The following NGEF variants were observed in gnomAD, a reference collection of about 807,000 sequenced individuals.
The protein encoded by NGEF is neuronal guanine nucleotide exchange factor.
In NGEF, 31 loss-of-function variants were observed where a neutral mutation model predicts 80.9. That is an observed-to-expected ratio of 0.38 (90% CI 0.29 to 0.52). NGEF has a LOEUF of 0.52. Among genes scored for constraint, NGEF ranks in the 20% least tolerant of loss-of-function variants. The pLI is 0.84. For missense variants in NGEF, 709 were observed against 926.2 expected, an observed-to-expected ratio of 0.77 and a Z score of 3.04; for synonymous variants, 371 against 370.2, an observed-to-expected ratio of 1.00 and a Z score of -0.03.
At chr2:232,976,463 A>G (rs1694296655) in intron 1 of NGEF, among the ~76,000 whole-genome samples, 1 of 152,148 alleles carries the variant, frequency 6.6e-6, no homozygotes, top group African/African-American at 2.4e-5. Flanking sequence ...CAGAATAGTC[A>G]GGAGGTTGGG....
intron 8 of NGEF, among the ~76,000 whole-genome samples, chr2:232,889,591 G>A (rs1691811034): frequency 6.6e-6 from 1 of 152,124 alleles, no homozygotes; most frequent in African/African-American, 2.4e-5. Flanking sequence ...ATTTTTCACT[G>A]CATAATTAGG....
At chr2:232,983,937 C>G (rs1161748724) in intron 1 of NGEF, among the ~76,000 whole-genome samples, 2 of 152,214 alleles carry the variant, frequency 1.3e-5, no homozygotes, top group Non-Finnish European at 2.9e-5. Context: ...CCTCTTCTCA[C>G]TCCTTGCTGC....
chr2:232,899,019 T>C (rs928664528), intron 5 of NGEF, among the ~76,000 whole-genome samples: 1 of 151,744 alleles, frequency 6.6e-6, no homozygotes, highest in Non-Finnish European at 1.5e-5. Flanking sequence ...TGTGTTAACA[T>C]GTGTGAGTGA....
rs1691597173 is a variant in NGEF at position 232,884,023 on chromosome 2, A to T, written c.1559T>A (p.Phe520Tyr). 2 of 1,612,908 alleles carry T rather than the reference A, an allele frequency of 1.2e-6. No individual in the cohort carries two copies. The highest frequency in any genetic ancestry group is 4.5e-5 in the East Asian group (2 of 44,846). Residue 520 changes from phenylalanine to tyrosine, a missense_variant, in exon 11 of 15, where the codon TTC (phenylalanine) becomes TAC (tyrosine). Phe to Tyr is a conservative substitution (Grantham distance 22, BLOSUM62 3). This residue lies in a region of NGEF where 426 missense variants were observed against 622.9 expected (regional missense o/e 0.68). Transcript: ENST00000264051. The part of the protein sequence containing the change: ...TKKLFHEIYL[F>Y]LFNDLLVICR... ...GATCACCAGCAGGTCGTTGAACAGG[A>T]AGAGGTAAATTTCGTGGAAGAGCTT...
chr2:232,916,433 TA>T (rs1180593941), intron 5 of NGEF, among the ~76,000 whole-genome samples: 2 of 152,094 alleles, frequency 1.3e-5, no homozygotes, highest in African/African-American at 4.8e-5. Flanking sequence ...TCCCTTATAT[TA>T]TCGTGCAGGA....
At chr2:232,971,423 G>A (rs1316581312) in intron 2 of NGEF, among the ~76,000 whole-genome samples, 9 of 152,186 alleles carry the variant, frequency 5.9e-5, no homozygotes, top group African/African-American at 1.4e-4. Context: ...GGTGGCTCAC[G>A]CCTGTAATCC....
At position 232,883,465 on chromosome 2, in the gene NGEF, C is replaced by T; in HGVS notation, c.1603G>A (p.Asp535Asn). The T allele has an allele frequency of 1.9e-6, 3 of 1,589,760 alleles. No homozygotes were observed. The highest frequency in any genetic ancestry group is 2.6e-6 in the Non-Finnish European group (3 of 1,167,496). The change falls in exon 12 of 15, where the codon GAC (aspartate) becomes AAC (asparagine). Residue 535 changes from aspartate (D) to asparagine (N), a missense_variant and splice_region_variant. Asp to Asn is a conservative substitution (Grantham distance 23). Coordinates refer to ENST00000264051, the MANE Select transcript of NGEF (RefSeq NM_019850.3). ...LLVICRQIPG[D>N]KYQVFDSAPR... ...GCTGAGTCAAATACCTGGTACTTGT[C>T]TCTGGAGATCAGGGAGAAGGGCAGG...
chr2:232,883,052 A>AACACACAC (rs57854484), intron 12 of NGEF, among the ~76,000 whole-genome samples: 74 of 150,374 alleles, frequency 4.9e-4, no homozygotes, highest in African/African-American at 1.8e-3. Flanking sequence ...GCCCCAAGGG[A>AACACACAC]ACACACACAC....
chr2:232,915,422 T>G (rs1692777408), intron 5 of NGEF, among the ~76,000 whole-genome samples: 1 of 152,168 alleles, frequency 6.6e-6, no homozygotes, highest in African/African-American at 2.4e-5. Flanking sequence ...TCTCTTTCAA[T>G]TCTTTCTATT....
At chr2:232,972,716 C>A (rs545754958) in intron 2 of NGEF, among the ~76,000 whole-genome samples, 1 of 151,112 alleles carries the variant, frequency 6.6e-6, no homozygotes, top group Admixed American at 6.6e-5. Context: ...AAGCCTGCTC[C>A]CACTTTCTCC....
chr2:232,892,393 C>T lies in NGEF; in HGVS notation c.1142+505G>A, dbSNP rs1018374327. 2.0e-5 allele frequency among the ~76,000 whole-genome samples: 3 copies of T among 152,114 alleles called. No individual in the cohort carries two copies. The highest frequency in any genetic ancestry group is 4.8e-5 in the African/African-American group (2 of 41,422). ...CAGTGCGCAGAATTCAGAAGAGGCACGCTGGCTGGAAAATTACCTTGTCAA... is the reference window on the plus strand; with the variant it reads ...CAGTGCGCAGAATTCAGAAGAGGCATGCTGGCTGGAAAATTACCTTGTCAA... On this transcript the variant is annotated intron_variant, in intron 7 of 14. Coordinates refer to ENST00000264051, the MANE Select transcript of NGEF (RefSeq NM_019850.3). The surrounding 1 kb of genome is among the most constrained non-coding windows in gnomAD (Gnocchi z 4.0).
At position 232,884,087 on chromosome 2, in the gene NGEF, T is replaced by G. The variant is rs1268829812; in HGVS notation, c.1495A>C (p.Met499Leu). Residue 499 changes from methionine to leucine, a missense_variant, in exon 11 of 15, where the codon ATG becomes CTG. This residue lies in a region of NGEF where 426 missense variants were observed against 622.9 expected (regional missense o/e 0.68). Transcript: ENST00000264051. ...WLLKQGELQQ[M>L]SGPKTSRTLR... ...GTCCGGGAGGTCTTGGGGCCTGACA[T>G]CTGCTGCAGCTCACCCTGCTTCAGC... 6.2e-7 allele frequency: 1 copy of G among 1,611,794 alleles called. No homozygotes were observed. Among genetic ancestry groups the G allele is most frequent in the East Asian group, 2.2e-5 (1 of 44,796 alleles).
chr2:232,883,028 G>T (rs1036513579), intron 12 of NGEF, among the ~76,000 whole-genome samples: 3 of 151,510 alleles, frequency 2.0e-5, no homozygotes, highest in Non-Finnish European at 4.4e-5. Flanking sequence ...AGAGGGACTC[G>T]CCCAGAGTCT....
At chr2:232,951,658 C>T (rs1180157652) in intron 3 of NGEF, among the ~76,000 whole-genome samples, 2 of 152,198 alleles carry the variant, frequency 1.3e-5, no homozygotes, top group African/African-American at 4.8e-5. Context: ...GGCTTGGCTG[C>T]ACCTAGGAAC....
At chr2:232,922,677 A>G (rs1284638470) in intron 4 of NGEF, among the ~76,000 whole-genome samples, 3 of 152,228 alleles carry the variant, frequency 2.0e-5, no homozygotes, top group Admixed American at 1.3e-4. Context: ...GTTTAAAGAA[A>G]CCAAGTTTCA....
In NGEF at chr2:232,899,898, A is replaced by G. The variant is rs531502106; in HGVS notation, c.829-4982T>C. On this transcript the variant is annotated intron_variant, in intron 5 of 14. Coordinates refer to ENST00000264051, the MANE Select transcript of NGEF (RefSeq NM_019850.3). ...TATACACGTTCACTCACATTCACAC[A>G]CATGCTCTCACAGTCACTCATATAC... 3.8e-4 allele frequency among the ~76,000 whole-genome samples: 57 copies of G among 148,464 alleles called. 1 individual carries two copies. The highest frequency in any genetic ancestry group is 1.3e-3 in the African/African-American group (53 of 40,104).
At chr2:232,906,175 TC>T (rs1692523783) in intron 5 of NGEF, among the ~76,000 whole-genome samples, 1 of 36,044 alleles carries the variant, frequency 2.8e-5, no homozygotes, top group Non-Finnish European at 5.0e-5. Context: ...GGTGGGGGGG[TC>T]AGCCCCCCGC....
At chr2:232,993,475 G>A (rs1307550610) in intron 1 of NGEF, among the ~76,000 whole-genome samples, 2 of 151,954 alleles carry the variant, frequency 1.3e-5, no homozygotes, top group Non-Finnish European at 2.9e-5. Context: ...AGATGGGAAT[G>A]TAAAATGGTT....
chr2:232,897,485 C>T (rs192380465), intron 5 of NGEF, among the ~76,000 whole-genome samples: 187 of 152,244 alleles, frequency 1.2e-3, no homozygotes, highest in African/African-American at 4.4e-3. Context: ...CCAGGTAGCG[C>T]AGGGGTTTGC....
Sources: gnomAD v4.1 joint callset for allele counts (sites outside exome capture counted in the v4.1 genomes callset) on GRCh38, gnomAD v4.1.1 for gene constraint, gnomAD v4.1.1 regional missense constraint, Gnocchi (gnomAD v3.1) non-coding constraint, MANE v1.5 for transcripts, NCBI Gene and HGNC (gene_info 2026-07-23, HGNC 2026-07-21) for gene names.